GALNT10: variants seen among roughly 807,000 people sequenced by gnomAD.
GALNT10 encodes the protein polypeptide N-acetylgalactosaminyltransferase 10, also known as GalNAc transferase 10.
GALNT10 carries 41 observed loss-of-function variants against 75.0 expected under a neutral mutation model. That is an observed-to-expected ratio of 0.55 (90% CI 0.43 to 0.71). GALNT10 has a LOEUF of 0.71. Ranked by LOEUF, GALNT10 falls within the 30% of genes least tolerant of loss-of-function variation. The pLI is 0.00. For synonymous variants in GALNT10, 302 were observed against 313.0 expected (o/e 0.96, Z 0.37); for missense variants, 727 against 818.5 (o/e 0.89, Z 1.36).
chr5:154,386,801 A>T (rs997868424), intron 7 of GALNT10: 1 of 443,508 alleles, frequency 2.3e-6, no homozygotes, highest in Non-Finnish European at 4.0e-6. Context: ...CAAACAGGAT[A>T]CGTAGGCCTA....
At chr5:154,236,414 T>A (rs1421509267) in intron 1 of GALNT10, among the ~76,000 whole-genome samples, 3 of 152,242 alleles carry the variant, frequency 2.0e-5, no homozygotes, top group Non-Finnish European at 4.4e-5. Context: ...TGAGCTACTT[T>A]CCATATTTTG....
intron 4 of GALNT10, among the ~76,000 whole-genome samples, chr5:154,370,415 C>A (rs960339940): frequency 1.3e-5 from 2 of 152,136 alleles, no homozygotes; most frequent in African/African-American, 2.4e-5. Context: ...GACCTAGGAA[C>A]CTGCTGTGGT....
intron 1 of GALNT10, among the ~76,000 whole-genome samples, chr5:154,288,341 A>C (rs1240981530): frequency 6.6e-6 from 1 of 151,858 alleles, no homozygotes; most frequent in Non-Finnish European, 1.5e-5. Flanking sequence ...CTTCACCACC[A>C]TTCTTTCCTA....
At chr5:154,252,380 A>G (rs1290162342) in intron 1 of GALNT10, among the ~76,000 whole-genome samples, 2 of 152,098 alleles carry the variant, frequency 1.3e-5, no homozygotes, top group East Asian at 1.9e-4. Context: ...TGGGAACAAT[A>G]TTTTCTGAGT....
At chr5:154,334,820 T>C (rs1227714492) in intron 4 of GALNT10, among the ~76,000 whole-genome samples, 1 of 152,086 alleles carries the variant, frequency 6.6e-6, no homozygotes, top group African/African-American at 2.4e-5. Context: ...CTGGAAGGAG[T>C]ATAGACAATG....
At chr5:154,330,382 T>C (rs75121012) in intron 4 of GALNT10, among the ~76,000 whole-genome samples, 6,859 of 152,170 alleles carry the variant, frequency 0.045, 483 homozygotes, top group African/African-American at 0.15. Flanking sequence ...GAGAAGTGGA[T>C]TAGAGATGTC....
chr5:154,416,751 G>A lies in GALNT10; in HGVS notation c.1654-63G>A. 8.8e-7 allele frequency: 1 copy of A among 1,136,334 alleles called. No individual in the cohort carries two copies. The highest frequency in any genetic ancestry group is 1.3e-6 in the Non-Finnish European group (1 of 750,644). 70.4% of individuals were successfully genotyped at this position (1,136,334 alleles called of 1,614,324 possible). A position where few individuals can be genotyped will look rare whatever the true frequency, so the allele number is the denominator to read the frequency against. ...TCACTTTCTCATTGCTGGTATTGTT[G>A]CTGTGGTTTGACTGGCCACATGTCT... On this transcript the variant is annotated intron_variant, in intron 11 of 11. Coordinates refer to ENST00000297107, the MANE Select transcript of GALNT10 (RefSeq NM_198321.4). This position sits in a 1 kb window ranked among gnomAD's most constrained non-coding sequence, Gnocchi z 4.5.
rs925673983 is a variant in GALNT10 at position 154,419,559 on chromosome 5, C to T, written c.*2587C>T. 6.6e-6 allele frequency: 1 copy of T among 152,256 alleles called. No homozygotes were observed. Among genetic ancestry groups the T allele is most frequent in the Non-Finnish European group, 1.5e-5 (1 of 68,100 alleles). 9.4% of individuals were successfully genotyped at this position (152,256 alleles called of 1,614,324 possible). A position where few individuals can be genotyped will look rare whatever the true frequency, so the allele number is the denominator to read the frequency against. On this transcript the variant is annotated 3_prime_UTR_variant, in exon 12 of 12. Coordinates refer to ENST00000297107, the MANE Select transcript of GALNT10 (RefSeq NM_198321.4). ...CCATCCTTTGGTTCTCCTTTCCAGT[C>T]TGGGTTCACACCCTGAAAAGGGATG...
rs141866546 is a variant in GALNT10 at position 154,240,454 on chromosome 5, G to T, written c.159+49429G>T. On this transcript the variant is annotated intron_variant, in intron 1 of 11. Transcript: ENST00000297107. Reference sequence around the variant, plus strand: ...GGTTAGAGTACTCAGTATGGGGTCAGCTTGACACAATTTTGTGGACTTCTC... The same window carrying T: ...GGTTAGAGTACTCAGTATGGGGTCATCTTGACACAATTTTGTGGACTTCTC... Among the ~76,000 whole-genome samples the T allele has an allele frequency of 3.9e-3, 587 of 152,260 alleles. 9 individuals carry two copies. Among genetic ancestry groups the T allele is most frequent in the African/African-American group, 0.013 (557 of 41,540 alleles).
chr5:154,191,033 C>T lies in GALNT10; in HGVS notation c.159+8C>T, dbSNP rs2113635468. ...GCGCCGGCGGCGGGACAGGTGAGTC[C>T]CCCCGTTGCTACAGGCCGGGAACAC... On this transcript the variant is annotated splice_region_variant and intron_variant, in intron 1 of 11. Coordinates refer to ENST00000297107, the MANE Select transcript of GALNT10 (RefSeq NM_198321.4). The T allele has an allele frequency of 2.8e-6, 4 of 1,414,770 alleles. No individual in the cohort carries two copies. The African/African-American group carries it at 5.9e-5, about 21-fold the overall frequency. 87.6% of individuals were successfully genotyped at this position (1,414,770 alleles called of 1,614,324 possible). A position where few individuals can be genotyped will look rare whatever the true frequency, so the allele number is the denominator to read the frequency against.
rs145180574 is a variant in GALNT10 at position 154,356,697 on chromosome 5, C to A, written c.569-19580C>A. Among the ~76,000 whole-genome samples the A allele has an allele frequency of 2.7e-3, 412 of 152,320 alleles. 2 individuals carry two copies. The highest frequency in any genetic ancestry group is 9.5e-3 in the African/African-American group (393 of 41,574). On this transcript the variant is annotated intron_variant, in intron 4 of 11. Coordinates refer to ENST00000297107, the MANE Select transcript of GALNT10 (RefSeq NM_198321.4). ...ACCCTGGGAGAACCTGGGCTGCACTCCAGGGCTCCAGGGTGTACAGGGTGC... is the reference window on the plus strand; with the variant it reads ...ACCCTGGGAGAACCTGGGCTGCACTACAGGGCTCCAGGGTGTACAGGGTGC...
chr5:154,343,061 T>G (rs1369666026), intron 4 of GALNT10, among the ~76,000 whole-genome samples: 1 of 151,912 alleles, frequency 6.6e-6, no homozygotes, highest in African/African-American at 2.4e-5. Flanking sequence ...CAAATTTTGG[T>G]GTGCATAAGA....
At chr5:154,291,711 A>T (rs1397480996) in intron 1 of GALNT10, among the ~76,000 whole-genome samples, 1 of 152,128 alleles carries the variant, frequency 6.6e-6, no homozygotes, top group Non-Finnish European at 1.5e-5. Flanking sequence ...GAACAAAATA[A>T]CTTCTCCCAT....
chr5:154,345,339 C>T lies in GALNT10; in HGVS notation c.568+15601C>T, dbSNP rs1416614670. 3.3e-5 allele frequency among the ~76,000 whole-genome samples: 5 copies of T among 152,294 alleles called. No individual in the cohort carries two copies. The East Asian group carries it at 9.6e-4, about 29-fold the overall frequency. On this transcript the variant is annotated intron_variant, in intron 4 of 11. Coordinates refer to ENST00000297107, the MANE Select transcript of GALNT10 (RefSeq NM_198321.4). The stretch of plus-strand genomic sequence containing the variant: ...TAAGATCTATTCTTTTAGCAAACTT[C>T]AAGTACATAATACAGCATTATTAAC...
intron 1 of GALNT10, among the ~76,000 whole-genome samples, chr5:154,237,834 A>G (rs1227422252): frequency 4.6e-5 from 7 of 152,196 alleles, no homozygotes; most frequent in African/African-American, 1.7e-4. Flanking sequence ...AACATGACTT[A>G]TCACTGTCGA....
intron 9 of GALNT10, among the ~76,000 whole-genome samples, chr5:154,411,737 G>A (rs1458082285): frequency 4.6e-5 from 7 of 152,198 alleles, no homozygotes; most frequent in Admixed American, 2.0e-4. Flanking sequence ...TAGTTTGTTG[G>A]CTTCCTCACT....
In GALNT10 at chr5:154,386,394, G is replaced by A; in HGVS notation, c.1020G>A (p.Glu340=). ...TCGGCGGGTATGACCCAGGCTTGGA[G>A]ATCTGGGGAGGGGAGCAGTATGAAA... ...WELGGYDPGL[E]IWGGEQYEIS... Residue 340 remains glutamate (E), a synonymous_variant, in exon 7 of 12, where the codon GAG becomes GAA. Coordinates refer to ENST00000297107, the MANE Select transcript of GALNT10 (RefSeq NM_198321.4). The A allele has an allele frequency of 6.2e-7, 1 of 1,613,656 alleles. No individual in the cohort carries two copies.
At chr5:154,400,236 C>T (rs922410945) in intron 7 of GALNT10, among the ~76,000 whole-genome samples, 2 of 152,184 alleles carry the variant, frequency 1.3e-5, no homozygotes, top group Admixed American at 6.5e-5. Context: ...CTTCAACAGG[C>T]CTGCTTCCAG....
rs549260655 is a variant in GALNT10, at chr5:154,267,305, G to A, written c.160-27511G>A. Among the ~76,000 whole-genome samples, 3 of 152,264 alleles carry A rather than the reference G, an allele frequency of 2.0e-5. No individual in the cohort carries two copies. In the South Asian group the frequency reaches 6.2e-4, roughly 32 times the overall value. On this transcript the variant is annotated intron_variant, in intron 1 of 11. Coordinates refer to ENST00000297107, the MANE Select transcript of GALNT10 (RefSeq NM_198321.4). ...GCTCTAAGCACATGATGTTTTTTGGGGAAAGTGGTAGCAGGTAGAGGGTGG... is the reference window on the plus strand; with the variant it reads ...GCTCTAAGCACATGATGTTTTTTGGAGAAAGTGGTAGCAGGTAGAGGGTGG...
Sources: gnomAD v4.1 joint callset for allele counts (sites outside exome capture counted in the v4.1 genomes callset) on GRCh38, gnomAD v4.1.1 for gene constraint, Gnocchi (gnomAD v3.1) non-coding constraint, MANE v1.5 for transcripts, NCBI Gene and HGNC (gene_info 2026-07-23, HGNC 2026-07-21) for gene names.